Variants in IL15 observed in about 807,000 individuals in gnomAD.
IL15 encodes interleukin-15.
In IL15, 11 loss-of-function variants were observed where a neutral mutation model predicts 19.6. The observed-to-expected ratio is 0.56, with a 90% confidence interval of 0.35 to 0.93. The LOEUF (loss-of-function observed/expected upper bound fraction) is 0.93, where lower values mean the gene tolerates loss of function less well. Among genes scored for constraint, IL15 ranks in the 40% least tolerant of loss-of-function variants. The pLI is 0.01. For synonymous variants in IL15, 58 were observed against 59.6 expected, an observed-to-expected ratio of 0.97 and a Z score of 0.12; for missense variants, 197 against 186.5, an observed-to-expected ratio of 1.06 and a Z score of -0.33.
chr4:141,689,953 G>C (rs965562241), intron 2 of IL15, among the ~76,000 whole-genome samples: 2 of 152,206 alleles, frequency 1.3e-5, no homozygotes, highest in African/African-American at 2.4e-5. Context: ...AGCCCATGGA[G>C]GGGGTGGGAG....
rs184986682 is a variant in IL15, at chr4:141,682,858, C to G, written c.-100+26551C>G. 2.2e-3 allele frequency among the ~76,000 whole-genome samples: 336 copies of G among 150,632 alleles called. 1 individual carries two copies. The highest frequency in any genetic ancestry group is 7.6e-3 in the African/African-American group (311 of 41,018). The stretch of plus-strand genomic sequence containing the variant: ...CTGTAGTCCCAGCTACTTGGAAGGC[C>G]CGGGAATGGCATGAACCCGGGAGGC... On this transcript the variant is annotated intron_variant, in intron 2 of 7. Coordinates refer to ENST00000320650, the MANE Select transcript of IL15 (RefSeq NM_000585.5).
intron 2 of IL15, among the ~76,000 whole-genome samples, chr4:141,708,867 C>T (rs1729611736): frequency 1.3e-5 from 2 of 152,120 alleles, no homozygotes; most frequent in African/African-American, 4.8e-5. Flanking sequence ...TTTCTAACTT[C>T]ACTTGGACAG....
chr4:141,696,927 A>G (rs1692326473), intron 2 of IL15, among the ~76,000 whole-genome samples: 1 of 151,980 alleles, frequency 6.6e-6, no homozygotes, highest in African/African-American at 2.4e-5. Context: ...TTGTCAGTAC[A>G]TAGTTTGCAA....
intron 6 of IL15, among the ~76,000 whole-genome samples, chr4:141,728,839 A>G (rs1203973277): frequency 1.3e-5 from 2 of 152,110 alleles, no homozygotes; most frequent in Admixed American, 1.3e-4. Flanking sequence ...TTTTTTGTAA[A>G]ATGGAAAGTA....
intron 4 of IL15, 37 bp downstream of exon 4, chr4:141,720,603 A>C (rs1407924617): frequency 9.8e-7 from 1 of 1,018,430 alleles, no homozygotes; most frequent in Non-Finnish European, 1.6e-6. Flanking sequence ...CATTATGTTC[A>C]TGGTCATGAT....
intron 2 of IL15, among the ~76,000 whole-genome samples, chr4:141,686,433 C>G (rs1490619867): frequency 6.6e-6 from 1 of 152,104 alleles, no homozygotes; most frequent in Non-Finnish European, 1.5e-5. Flanking sequence ...CATTATCGTC[C>G]AGAATTTAAA....
At chr4:141,679,925 A>G (rs985193599) in intron 2 of IL15, among the ~76,000 whole-genome samples, 1 of 152,232 alleles carries the variant, frequency 6.6e-6, no homozygotes, top group African/African-American at 2.4e-5. Flanking sequence ...AAGGGAGGAC[A>G]TTATGAGCAA....
At chr4:141,697,318 G>C (rs1378845434) in intron 2 of IL15, among the ~76,000 whole-genome samples, 1 of 152,016 alleles carries the variant, frequency 6.6e-6, no homozygotes, top group Non-Finnish European at 1.5e-5. Context: ...TCAGATTGCT[G>C]TAACTATTTG....
chr4:141,712,883 A>T (rs1024469213), intron 2 of IL15, among the ~76,000 whole-genome samples: 18 of 151,902 alleles, frequency 1.2e-4, no homozygotes, highest in Non-Finnish European at 2.4e-4. Context: ...GTGTTTCATT[A>T]AAAAAGATAC....
intron 1 of IL15, among the ~76,000 whole-genome samples, chr4:141,646,097 A>G (rs899035638): frequency 2.0e-5 from 3 of 152,062 alleles, no homozygotes; most frequent in African/African-American, 7.2e-5. Flanking sequence ...GTAGAGTGTC[A>G]TGCATGTTCA....
intron 2 of IL15, among the ~76,000 whole-genome samples, chr4:141,702,438 C>T (rs1729352528): frequency 6.6e-6 from 1 of 152,148 alleles, no homozygotes; most frequent in Non-Finnish European, 1.5e-5. Context: ...GATACCAGCA[C>T]CTGCTTTGAA....
chr4:141,680,128 G>A (rs1313908259), intron 2 of IL15, among the ~76,000 whole-genome samples: 1 of 152,184 alleles, frequency 6.6e-6, no homozygotes, highest in Non-Finnish European at 1.5e-5. Context: ...TTTTCTTTTG[G>A]TTTTATTTTC....
intron 2 of IL15, among the ~76,000 whole-genome samples, chr4:141,700,986 T>C (rs1008351155): frequency 2.0e-5 from 3 of 152,216 alleles, no homozygotes; most frequent in Non-Finnish European, 4.4e-5. Flanking sequence ...TTTTTAATGA[T>C]ATCTATTTCT....
intron 2 of IL15, among the ~76,000 whole-genome samples, chr4:141,693,016 CAAA>C (rs70949131): frequency 2.3e-3 from 53 of 23,242 alleles, no homozygotes; most frequent in South Asian, 6.6e-3. Context: ...GACTCCGTCT[CAAA>C]AAAAAAAAAA....
Position 141,693,016 on chromosome 4 carries a change from C to CAAAAAAAAAA in IL15, c.-99-26333_-99-26324dup, listed in dbSNP as rs70949131. 2.6e-3 allele frequency among the ~76,000 whole-genome samples: 61 copies of CAAAAAAAAAA among 23,236 alleles called. 13 individuals are homozygous for CAAAAAAAAAA. The highest frequency in any genetic ancestry group is 7.3e-3 in the African/African-American group (46 of 6,308). The allele number at this position is 23,236 out of a possible 152,430, so 15.2% of individuals were successfully genotyped here. A position where few individuals can be genotyped will look rare whatever the true frequency, so the allele number is the denominator to read the frequency against. ...AGGGGAACAGAGCAAGACTCCGTCT[C>CAAAAAAAAAA]AAAAAAAAAAAAAAAAAAAAAAAAA... is the stretch of plus-strand genomic sequence containing the variant. On this transcript the variant is annotated intron_variant, in intron 2 of 7. Coordinates refer to ENST00000320650, the MANE Select transcript of IL15 (RefSeq NM_000585.5).
At position 141,664,383 on chromosome 4, in the gene IL15, A is replaced by G. The variant is rs1030494257; in HGVS notation, c.-100+8076A>G. ...CACACACACACACACACACACACAC[A>G]CACACACAAAACCAACAACAAAAAA... On this transcript the variant is annotated intron_variant, in intron 2 of 7. Transcript: ENST00000320650. Among the ~76,000 whole-genome samples the G allele has an allele frequency of 1.1e-3, 171 of 150,432 alleles. 1 individual carries two copies. Among genetic ancestry groups the G allele is most frequent in the South Asian group, 1.3e-3 (6 of 4,790 alleles).
intron 1 of IL15, among the ~76,000 whole-genome samples, chr4:141,638,746 T>C (rs187212001): frequency 1.3e-5 from 2 of 152,346 alleles, no homozygotes; most frequent in African/African-American, 4.8e-5. Context: ...TCAGATTTGC[T>C]GCCTCTGATG....
Position 141,708,528 on chromosome 4 carries a change from C to A in IL15, c.-99-10838C>A, listed in dbSNP as rs77263124. ...AAACTGGATTCAAAACCTATAAGGA[C>A]CAGGAGACTCTCCTGCAGCAAGGAT... On this transcript the variant is annotated intron_variant, in intron 2 of 7. Coordinates refer to ENST00000320650, the MANE Select transcript of IL15 (RefSeq NM_000585.5). 2.3e-3 allele frequency among the ~76,000 whole-genome samples: 355 copies of A among 152,196 alleles called. 15 individuals carry two copies. The East Asian group carries it at 0.067, about 29-fold the overall frequency.
chr4:141,658,023 C>T (rs543729102), intron 2 of IL15, among the ~76,000 whole-genome samples: 11 of 152,232 alleles, frequency 7.2e-5, no homozygotes, highest in South Asian at 4.1e-4. Context: ...CACTGTGTTA[C>T]GACATTATGA....
Sources: allele counts gnomAD v4.1 joint callset (sites outside exome capture counted in the v4.1 genomes callset), GRCh38; gene constraint gnomAD v4.1.1; transcripts MANE v1.5; gene names NCBI Gene and HGNC (gene_info 2026-07-23, HGNC 2026-07-21).